CA10: variants seen among roughly 807,000 people sequenced by gnomAD.
CA10 encodes the protein carbonic anhydrase-related protein 10.
A neutral mutation model predicts 44.2 loss-of-function variants in CA10; 14 were observed. The ratio of observed to expected loss-of-function variants is 0.32; its 90% confidence interval spans 0.21 to 0.50. CA10 has a LOEUF of 0.50. Among genes scored for constraint, CA10 ranks in the 20% least tolerant of loss-of-function variants. CA10 has a pLI of 0.99. For synonymous variants in CA10, 159 were observed against 141.6 expected (o/e 1.12, Z -0.87); for missense variants, 350 against 409.7 (o/e 0.85, Z 1.26).
At chr17:51,764,680 C>T (rs1190064369) in intron 3 of CA10, among the ~76,000 whole-genome samples, 2 of 152,150 alleles carry the variant, frequency 1.3e-5, no homozygotes, top group African/African-American at 2.4e-5. Flanking sequence ...ACTCCAAGGG[C>T]CCAGTACCAT....
intron 3 of CA10, among the ~76,000 whole-genome samples, chr17:51,878,468 C>A (rs1273881971): frequency 6.6e-6 from 1 of 152,068 alleles, no homozygotes; most frequent in East Asian, 1.9e-4. Context: ...GGCAGAATCA[C>A]AATCTGTCAT....
At chr17:51,851,598 T>C (rs1978796911) in intron 3 of CA10, among the ~76,000 whole-genome samples, 1 of 152,252 alleles carries the variant, frequency 6.6e-6, no homozygotes, top group Non-Finnish European at 1.5e-5. Flanking sequence ...TTTAAAATTC[T>C]GTATTGAAGC....
intron 2 of CA10, among the ~76,000 whole-genome samples, chr17:52,021,866 C>T (rs1166112504): frequency 1.3e-5 from 2 of 151,992 alleles, no homozygotes; most frequent in Non-Finnish European, 2.9e-5. Context: ...GAAATAGAAA[C>T]CCTGAACAGA....
chr17:51,997,120 A>G (rs1985264537), intron 2 of CA10, among the ~76,000 whole-genome samples: 1 of 152,084 alleles, frequency 6.6e-6, no homozygotes, highest in African/African-American at 2.4e-5. Context: ...CAATGTCCTC[A>G]AGAGATCTTT....
chr17:51,715,146 C>T (rs1214288069), intron 4 of CA10, among the ~76,000 whole-genome samples: 1 of 151,866 alleles, frequency 6.6e-6, no homozygotes, highest in African/African-American at 2.4e-5. Context: ...TGTTCTCACT[C>T]ATAGGTGGGA....
intron 3 of CA10, among the ~76,000 whole-genome samples, chr17:51,783,942 T>G (rs1367299050): frequency 6.6e-6 from 1 of 152,086 alleles, no homozygotes; most frequent in Non-Finnish European, 1.5e-5. Flanking sequence ...GCTCTCCATC[T>G]TTAGAATCTG....
At chr17:51,648,184 T>A (rs9902238) in intron 6 of CA10, among the ~76,000 whole-genome samples, 1 of 152,138 alleles carries the variant, frequency 6.6e-6, no homozygotes, top group South Asian at 2.1e-4. Context: ...CATTTTTTTT[T>A]CTTCACATCA....
At chr17:52,055,198 C>A (rs781694175) in intron 2 of CA10, among the ~76,000 whole-genome samples, 1 of 151,910 alleles carries the variant, frequency 6.6e-6, no homozygotes, top group Non-Finnish European at 1.5e-5. Context: ...AATAGAGTAA[C>A]ACCTAGGACT....
intron 4 of CA10, among the ~76,000 whole-genome samples, chr17:51,668,200 G>A (rs946052986): frequency 6.6e-6 from 1 of 152,208 alleles, no homozygotes; most frequent in Non-Finnish European, 1.5e-5. Flanking sequence ...AAGGGCGAGT[G>A]GGTACAGTGT....
intron 4 of CA10, among the ~76,000 whole-genome samples, chr17:51,697,365 T>C (rs1170786568): frequency 6.6e-6 from 1 of 152,242 alleles, no homozygotes. Context: ...TCAAATTCAC[T>C]GGGCAAGTGC....
chr17:51,807,108 G>C (rs1340965867), intron 3 of CA10, among the ~76,000 whole-genome samples: 1 of 152,162 alleles, frequency 6.6e-6, no homozygotes, highest in Admixed American at 6.5e-5. Context: ...AAGTTCTTTT[G>C]TTGGCTAGTG....
chr17:52,075,528 G>T (rs1184118522), intron 1 of CA10, among the ~76,000 whole-genome samples: 1 of 152,176 alleles, frequency 6.6e-6, no homozygotes. Context: ...TGATTGGAGG[G>T]TCAAATAAAT....
At chr17:52,065,619 T>C (rs2970036) in intron 2 of CA10, among the ~76,000 whole-genome samples, 150,717 of 152,264 alleles carry the variant, frequency 0.99, 74,610 homozygotes, top group East Asian at 1. Flanking sequence ...AGAGTTTCAA[T>C]CTCTCCTTTG....
At chr17:52,001,903 C>A (rs183625575) in intron 2 of CA10, among the ~76,000 whole-genome samples, 1 of 152,088 alleles carries the variant, frequency 6.6e-6, no homozygotes, top group African/African-American at 2.4e-5. Flanking sequence ...GAGCTCAGGG[C>A]AGCCTTCCAT....
intron 3 of CA10, among the ~76,000 whole-genome samples, chr17:51,761,080 C>T (rs1424985398): frequency 6.6e-6 from 1 of 152,182 alleles, no homozygotes; most frequent in Non-Finnish European, 1.5e-5. Context: ...GCTGCCCTCC[C>T]TTATGCGAAC....
intron 1 of CA10, among the ~76,000 whole-genome samples, chr17:52,139,059 G>C (rs893544732): frequency 6.6e-6 from 1 of 152,312 alleles, no homozygotes. Context: ...ATTCAAACTA[G>C]GAGTTGGTAA....
intron 2 of CA10, among the ~76,000 whole-genome samples, chr17:52,008,101 A>G (rs1985663716): frequency 6.6e-6 from 1 of 151,614 alleles, no homozygotes; most frequent in Non-Finnish European, 1.5e-5. Flanking sequence ...TTATTCTTTA[A>G]TACAATCAGT....
chr17:52,070,240 A>C (rs1987643566), intron 2 of CA10, among the ~76,000 whole-genome samples: 1 of 152,158 alleles, frequency 6.6e-6, no homozygotes, highest in Non-Finnish European at 1.5e-5. Context: ...ACTGTGTAGA[A>C]ACCCTTGACC....
chr17:51,883,364 T>C (rs992107912), intron 3 of CA10, among the ~76,000 whole-genome samples: 71 of 152,196 alleles, frequency 4.7e-4, no homozygotes, highest in Admixed American at 4.6e-3. Flanking sequence ...CCACTTGTGC[T>C]TTTATTACTC....
Sources: gnomAD v4.1 joint callset for allele counts (sites outside exome capture counted in the v4.1 genomes callset) on GRCh38, gnomAD v4.1.1 for gene constraint, MANE v1.5 for transcripts, NCBI Gene and HGNC (gene_info 2026-07-23, HGNC 2026-07-21) for gene names.